EPHA5: variants seen among roughly 807,000 people sequenced by gnomAD.
EPHA5 encodes ephrin type-A receptor 5.
EPHA5 carries 60 observed loss-of-function variants against 105.0 expected under a neutral mutation model. The observed-to-expected ratio is 0.57, with a 90% CI of 0.46 to 0.71. EPHA5 has a LOEUF of 0.71. Ranked by LOEUF, EPHA5 falls within the 30% of genes least tolerant of loss-of-function variation. EPHA5 has a pLI of 0.00. For synonymous variants in EPHA5, 513 were observed against 449.1 expected (o/e 1.14, Z -1.80); for missense variants, 1,218 against 1,274.7 (o/e 0.96, Z 0.68).
At chr4:65,408,985 T>C (rs1477990748) in intron 7 of EPHA5, among the ~76,000 whole-genome samples, 1 of 142,166 alleles carries the variant, frequency 7.0e-6, no homozygotes, top group Non-Finnish European at 1.5e-5. Flanking sequence ...GTGGCACATA[T>C]ACACCATGGA....
intron 11 of EPHA5, among the ~76,000 whole-genome samples, chr4:65,356,946 C>T (rs768157775): frequency 6.6e-6 from 1 of 151,372 alleles, no homozygotes; most frequent in African/African-American, 2.4e-5. Flanking sequence ...AAGACTAGAT[C>T]TGCCAATAAT....
chr4:65,332,032 T>G lies in EPHA5; in HGVS notation c.2886A>C (p.Thr962=). 6.2e-7 allele frequency: 1 copy of G among 1,612,000 alleles called. No homozygotes were observed. Among genetic ancestry groups the G allele is most frequent in the Non-Finnish European group, 8.5e-7 (1 of 1,178,680 alleles). Residue 962 remains threonine, a synonymous_variant, in exon 16 of 17, where the codon ACA becomes ACC. Coordinates refer to ENST00000613740, the MANE Select transcript of EPHA5 (RefSeq NM_001281766.3). ...TGTATCCATTTTCCATGAAAATCTC[T>G]GTATACCGGCCCATCTTGATTGCCT... ...WLEAIKMGRY[T]EIFMENGYSS... is the part of the protein sequence containing the mutation.
chr4:65,648,978 T>C (rs1047490571), intron 1 of EPHA5, among the ~76,000 whole-genome samples: 7 of 152,136 alleles, frequency 4.6e-5, no homozygotes, highest in Admixed American at 3.9e-4. Flanking sequence ...TTGGGGAAAA[T>C]TATGTTATAG....
At chr4:65,665,260 A>G (rs1749869582) in intron 1 of EPHA5, among the ~76,000 whole-genome samples, 1 of 152,060 alleles carries the variant, frequency 6.6e-6, no homozygotes, top group Non-Finnish European at 1.5e-5. Flanking sequence ...TTGCCATTCA[A>G]GCAAATACAT....
At position 65,321,366 on chromosome 4, in the gene EPHA5, C is replaced by T. The variant is rs1719625582; in HGVS notation, c.*2748G>A. 1 of 230,366 alleles carries T rather than the reference C, an allele frequency of 4.3e-6. No homozygotes were observed. The highest frequency in any genetic ancestry group is 2.2e-5 in the African/African-American group (1 of 45,152). The allele number at this position is 230,366 out of a possible 1,614,324, so 14.3% of individuals were successfully genotyped here. A position where few individuals can be genotyped will look rare whatever the true frequency, so the allele number is the denominator to read the frequency against. On this transcript the variant is annotated 3_prime_UTR_variant, in exon 17 of 17. Coordinates refer to ENST00000613740, the MANE Select transcript of EPHA5 (RefSeq NM_001281766.3). Reference sequence around the variant, plus strand: ...TTTGCCTTGGATTATGGCCTCACTACATTTTACTAGAGTTGGCTCCTCTCC... The same window carrying T: ...TTTGCCTTGGATTATGGCCTCACTATATTTTACTAGAGTTGGCTCCTCTCC...
chr4:65,640,282 C>CTTTTTTTTTTT (rs869149037), intron 2 of EPHA5, among the ~76,000 whole-genome samples: 31 of 92,224 alleles, frequency 3.4e-4, no homozygotes, highest in Admixed American at 4.6e-4. Flanking sequence ...TCAGTTTTTT[C>CTTTTTTTTTTT]TTTTTTTTTT....
chr4:65,432,279 T>C (rs1725049467), intron 5 of EPHA5, among the ~76,000 whole-genome samples: 2 of 152,178 alleles, frequency 1.3e-5, no homozygotes, highest in East Asian at 3.9e-4. Context: ...TTTGAAGTAA[T>C]GGCTGTATAG....
chr4:65,537,392 T>A (rs1466093255), intron 3 of EPHA5, among the ~76,000 whole-genome samples: 2 of 151,786 alleles, frequency 1.3e-5, no homozygotes, highest in Non-Finnish European at 3.0e-5. Context: ...AATTAAACTA[T>A]ATCTTGCTAA....
intron 1 of EPHA5, among the ~76,000 whole-genome samples, chr4:65,661,847 C>T (rs1749585578): frequency 6.6e-6 from 1 of 152,120 alleles, no homozygotes; most frequent in Admixed American, 6.5e-5. Flanking sequence ...AATAAGTTAG[C>T]TGTCTTATAA....
At chr4:65,634,798 C>G (rs528018053) in intron 2 of EPHA5, among the ~76,000 whole-genome samples, 1 of 152,004 alleles carries the variant, frequency 6.6e-6, no homozygotes, top group African/African-American at 2.4e-5. Context: ...CCTTCATGCT[C>G]AGTGTGGGCT....
At chr4:65,328,539 A>T (rs538462693) in intron 16 of EPHA5, among the ~76,000 whole-genome samples, 1 of 151,190 alleles carries the variant, frequency 6.6e-6, no homozygotes. Context: ...CTTAGCCCCA[A>T]CCAACATTGG....
At chr4:65,377,324 T>C (rs1465573668) in intron 8 of EPHA5, among the ~76,000 whole-genome samples, 1 of 152,020 alleles carries the variant, frequency 6.6e-6, no homozygotes, top group Non-Finnish European at 1.5e-5. Flanking sequence ...TGAGCCAATA[T>C]ATTCGAATTA....
chr4:65,404,550 A>G, intron 7 of EPHA5, 71 bp from the exon 8 acceptor site: 1 of 1,303,986 alleles, frequency 7.7e-7, no homozygotes, highest in Non-Finnish European at 1.1e-6. Context: ...AAGTTGCTTA[A>G]TAGACAGTAA....
At chr4:65,343,985 T>G (rs1721979803) in intron 14 of EPHA5, among the ~76,000 whole-genome samples, 1 of 151,930 alleles carries the variant, frequency 6.6e-6, no homozygotes, top group Non-Finnish European at 1.5e-5. Flanking sequence ...AAAATAAAAT[T>G]AAAGGCACAA....
Position 65,490,571 on chromosome 4 carries a change from C to T in EPHA5, c.1208G>A (p.Gly403Asp). Residue 403 changes from glycine (G) to aspartate (D), a missense_variant, in exon 5 of 17, where the codon GGT (glycine) becomes GAT (aspartate). By Grantham distance (94) the Gly-to-Asp change is moderately conservative. Transcript: ENST00000613740. ...IACKKCNSHA[G>D]VCEECGGHVR... ...ATGACCGCCACACTCCTCACACACA[C>T]CTGCATGGGAGTTGCACTTCTTGCA... The T allele has an allele frequency of 6.2e-7, 1 of 1,614,150 alleles. No homozygotes were observed. The highest frequency in any genetic ancestry group is 8.5e-7 in the Non-Finnish European group (1 of 1,180,012).
At chr4:65,518,189 C>T (rs1734291053) in intron 3 of EPHA5, among the ~76,000 whole-genome samples, 2 of 151,608 alleles carry the variant, frequency 1.3e-5, no homozygotes, top group Non-Finnish European at 2.9e-5. Context: ...GATATAAATG[C>T]CATTTATTAT....
chr4:65,370,871 C>T (rs1336253887), intron 8 of EPHA5, among the ~76,000 whole-genome samples: 22 of 152,052 alleles, frequency 1.4e-4, no homozygotes, highest in Admixed American at 1.4e-3. Flanking sequence ...ATCATTAAAA[C>T]AAGCCTCAAC....
chr4:65,444,267 TC>T (rs1726300351), intron 5 of EPHA5, among the ~76,000 whole-genome samples: 1 of 152,176 alleles, frequency 6.6e-6, no homozygotes, highest in Non-Finnish European at 1.5e-5. Context: ...GAAGATAATA[TC>T]TATCCTTAAG....
chr4:65,498,058 G>C (rs1732120387), intron 3 of EPHA5, among the ~76,000 whole-genome samples: 1 of 151,946 alleles, frequency 6.6e-6, no homozygotes, highest in South Asian at 2.1e-4. Flanking sequence ...AGGAAGCTGA[G>C]TCTCTGCTTA....
Sources: gnomAD v4.1 joint callset for allele counts (sites outside exome capture counted in the v4.1 genomes callset) on GRCh38, gnomAD v4.1.1 for gene constraint, MANE v1.5 for transcripts, NCBI Gene and HGNC (gene_info 2026-07-23, HGNC 2026-07-21) for gene names.